Variants in UTP20 observed in about 807,000 individuals in gnomAD.
The protein encoded by UTP20 is UTP20 small subunit processome component.
UTP20 carries 164 observed loss-of-function variants against 329.5 expected under a neutral mutation model. The ratio of observed to expected loss-of-function variants is 0.50; its 90% confidence interval spans 0.44 to 0.57. UTP20 has a LOEUF of 0.57. Among genes scored for constraint, UTP20 ranks in the 20% least tolerant of loss-of-function variants. The pLI is 0.00. For synonymous variants in UTP20, 1,151 were observed against 1,159.3 expected (o/e 0.99, Z 0.14); for missense variants, 3,055 against 3,284.2 (o/e 0.93, Z 1.71).
intron 58 of UTP20, 59 bp downstream of exon 58, chr12:101,381,270 G>A (rs755177065): frequency 8.0e-5 from 116 of 1,458,720 alleles, no homozygotes; most frequent in Non-Finnish European, 1.0e-4. Flanking sequence ...GGTGGCTCGC[G>A]CCTGTAATCC....
intron 5 of UTP20, among the ~76,000 whole-genome samples, chr12:101,288,610 C>T (rs1384762063): frequency 6.6e-6 from 1 of 152,218 alleles, no homozygotes; most frequent in South Asian, 2.1e-4. Context: ...TTGTCATGAC[C>T]ATGATCATTT....
At chr12:101,381,529 C>G (rs1870646077) in intron 58 of UTP20, among the ~76,000 whole-genome samples, 1 of 151,988 alleles carries the variant, frequency 6.6e-6, no homozygotes, top group Non-Finnish European at 1.5e-5. Context: ...GAGCGAGACT[C>G]CGTCTCAGAA....
chr12:101,336,353 A>T (rs1667095749), intron 29 of UTP20, among the ~76,000 whole-genome samples: 2 of 152,208 alleles, frequency 1.3e-5, no homozygotes, highest in African/African-American at 2.4e-5. Context: ...CAGAAATTAA[A>T]ACAGATTTTT....
chr12:101,320,755 T>A, intron 23 of UTP20, 97 bp from the exon 24 acceptor site: 1 of 1,092,714 alleles, frequency 9.2e-7, no homozygotes, highest in Non-Finnish European at 1.3e-6. Context: ...AAATTTAGAA[T>A]TTTTCAAATC....
chr12:101,382,130 TGTG>T (rs2121065158), intron 58 of UTP20, among the ~76,000 whole-genome samples: 1 of 151,628 alleles, frequency 6.6e-6, no homozygotes, highest in South Asian at 2.1e-4. Context: ...ATGGGGCTGG[TGTG>T]GTGACTCTCA....
At position 101,306,352 on chromosome 12, in the gene UTP20, T is replaced by A. The variant is rs1209135523; in HGVS notation, c.1932+287T>A. Among the ~76,000 whole-genome samples the A allele has an allele frequency of 3.3e-5, 5 of 152,054 alleles. No individual in the cohort carries two copies. The East Asian group carries it at 7.7e-4, about 23-fold the overall frequency. ...TTTTTTTTTAAGTCTTCTAGGTGGT[T>A]CTCCTGCTCATTTAGGTATGCGGAA... On this transcript the variant is annotated intron_variant, in intron 16 of 61. Transcript: ENST00000261637.
Position 101,309,832 on chromosome 12 carries a change from C to T in UTP20, c.2224C>T (p.Leu742Phe). ...TGCACTCTGGGATCCTGTTATTGAACTCATAAGGTAAACATGGGTTAAATG... is the reference window on the plus strand; with the variant it reads ...TGCACTCTGGGATCCTGTTATTGAATTCATAAGGTAAACATGGGTTAAATG... ...FSALWDPVIE[L>F]ISSHAHEMEN... The change falls in exon 19 of 62, where the codon CTC becomes TTC. Residue 742 changes from leucine to phenylalanine, a missense_variant. Physicochemically the swap from Leu to Phe is conservative, Grantham distance 22. Coordinates refer to ENST00000261637, the MANE Select transcript of UTP20 (RefSeq NM_014503.3). 2 of 1,613,272 alleles carry T rather than the reference C, an allele frequency of 1.2e-6. No homozygotes were observed. The highest frequency in any genetic ancestry group is 8.5e-7 in the Non-Finnish European group (1 of 1,179,722).
chr12:101,338,010 T>A (rs1324470291), intron 29 of UTP20, 41 bp from the exon 30 acceptor site: 11 of 1,569,582 alleles, frequency 7.0e-6, no homozygotes, highest in Admixed American at 1.7e-5. Flanking sequence ...GAAGTGAACA[T>A]ATTGAGAATA....
chr12:101,351,744 T>C (rs1869536340), intron 38 of UTP20, among the ~76,000 whole-genome samples: 1 of 152,078 alleles, frequency 6.6e-6, no homozygotes, highest in African/African-American at 2.4e-5. Flanking sequence ...TAGCACAATA[T>C]ATAGTTTTTG....
intron 17 of UTP20, among the ~76,000 whole-genome samples, chr12:101,307,037 G>C (rs1261036244): frequency 1.3e-5 from 2 of 151,856 alleles, no homozygotes; most frequent in African/African-American, 4.8e-5. Context: ...AATTAGCCAG[G>C]CGTGGTGGCG....
Position 101,318,050 on chromosome 12 carries a change from A to C in UTP20, c.2738+387A>C, listed in dbSNP as rs1232628278. ...TAATGGAACATCCTTTTTCTTAAAA[A>C]TAAGCATGTTAGCAATTTTTTTTTC... On this transcript the variant is annotated intron_variant, in intron 22 of 61. Coordinates refer to ENST00000261637, the MANE Select transcript of UTP20 (RefSeq NM_014503.3). 2.0e-5 allele frequency among the ~76,000 whole-genome samples: 3 copies of C among 152,230 alleles called. No homozygotes were observed. In the East Asian group the frequency reaches 5.8e-4, roughly 29 times the overall value.
At chr12:101,337,171 TATATA>T (rs750179671) in intron 29 of UTP20, among the ~76,000 whole-genome samples, 65 of 152,318 alleles carry the variant, frequency 4.3e-4, no homozygotes, top group Admixed American at 1.2e-3. Flanking sequence ...GAGATGATAA[TATATA>T]ATATAGTGTC....
chr12:101,321,954 A>G (rs560752690), intron 25 of UTP20, among the ~76,000 whole-genome samples: 3 of 150,950 alleles, frequency 2.0e-5, no homozygotes, highest in Admixed American at 6.6e-5. Flanking sequence ...AAATTGGTAT[A>G]GAGACTAAAT....
chr12:101,353,234 C>A, intron 40 of UTP20, 105 bp downstream of exon 40: 1 of 670,258 alleles, frequency 1.5e-6, no homozygotes, highest in South Asian at 3.1e-5. Flanking sequence ...TTTGTCTGCT[C>A]TTACTAGCAA....
At chr12:101,295,458 A>T in intron 11 of UTP20, 22 bp from the exon 12 acceptor site, 1 of 1,454,616 alleles carries the variant, frequency 6.9e-7, no homozygotes, top group Admixed American at 2.1e-5. Flanking sequence ...AATAAGTGTG[A>T]TTTTTTTTTT....
chr12:101,305,243 CT>C (rs1176268593), intron 15 of UTP20, among the ~76,000 whole-genome samples: 1 of 152,010 alleles, frequency 6.6e-6, no homozygotes, highest in Admixed American at 6.6e-5. Flanking sequence ...TTATTGGCTA[CT>C]TTCCCCTACT....
Position 101,281,297 on chromosome 12 carries a change from A to G in UTP20, c.126+101A>G, listed in dbSNP as rs991335957. On this transcript the variant is annotated intron_variant, in intron 2 of 61. Coordinates refer to ENST00000261637, the MANE Select transcript of UTP20 (RefSeq NM_014503.3). The stretch of plus-strand genomic sequence containing the variant: ...TTTTTCAAGGTATTCCTTTTTGGAC[A>G]TGAAATGCTTTAGACCTGTGCTGTT... 42 of 1,021,934 alleles carry G rather than the reference A, an allele frequency of 4.1e-5. No homozygotes were observed. The South Asian group carries it at 5.1e-4, about 12-fold the overall frequency. 63.3% of individuals were successfully genotyped at this position (1,021,934 alleles called of 1,614,324 possible). A position where few individuals can be genotyped will look rare whatever the true frequency, so the allele number is the denominator to read the frequency against.
At chr12:101,336,251 T>C (rs757073927) in intron 29 of UTP20, among the ~76,000 whole-genome samples, 31 of 152,198 alleles carry the variant, frequency 2.0e-4, no homozygotes, top group Non-Finnish European at 4.3e-4. Flanking sequence ...GAAGAACGAA[T>C]GAATATTTCA....
At chr12:101,351,417 G>A (rs974720120) in intron 38 of UTP20, among the ~76,000 whole-genome samples, 3 of 152,068 alleles carry the variant, frequency 2.0e-5, no homozygotes, top group Admixed American at 6.6e-5. Flanking sequence ...GTGCCACCGC[G>A]CCTGGTCCGT....
Sources: gnomAD v4.1 joint callset for allele counts (sites outside exome capture counted in the v4.1 genomes callset) on GRCh38, gnomAD v4.1.1 for gene constraint, MANE v1.5 for transcripts, NCBI Gene and HGNC (gene_info 2026-07-23, HGNC 2026-07-21) for gene names.